Variants in QKI observed in about 807,000 individuals in gnomAD.
QKI encodes KH domain-containing RNA-binding protein QKI.
QKI carries 10 observed loss-of-function variants against 39.0 expected under a neutral mutation model. That is an observed-to-expected ratio of 0.26 (90% confidence interval 0.16 to 0.43). QKI has a LOEUF of 0.43. Ranked by LOEUF, QKI falls within the 20% of genes least tolerant of loss-of-function variation. The pLI is 1.00. For synonymous variants in QKI, 204 were observed against 155.4 expected (o/e 1.31, Z -2.33); for missense variants, 218 against 428.0 (o/e 0.51, Z 4.33).
intron 3 of QKI, among the ~76,000 whole-genome samples, chr6:163,481,286 A>G (rs573988321): frequency 1.3e-5 from 2 of 152,296 alleles, no homozygotes; most frequent in South Asian, 4.1e-4. Context: ...GTATATCTAT[A>G]TGTGTGTATA....
intron 3 of QKI, among the ~76,000 whole-genome samples, chr6:163,497,509 T>C (rs566303468): frequency 6.6e-6 from 1 of 152,184 alleles, no homozygotes; most frequent in South Asian, 2.1e-4. Context: ...GTGCAGTGTT[T>C]TAGTCTTTGG....
intron 3 of QKI, among the ~76,000 whole-genome samples, chr6:163,487,180 G>GTT (rs5881536): frequency 6.7e-6 from 1 of 148,810 alleles, no homozygotes; most frequent in African/African-American, 2.5e-5. Context: ...CATGGATATA[G>GTT]TTTTTTTTTT....
At chr6:163,535,230 A>G in intron 4 of QKI, 105 bp downstream of exon 4, 1 of 1,191,362 alleles carries the variant, frequency 8.4e-7, no homozygotes, top group Non-Finnish European at 1.1e-6. Context: ...GTTGTTAGAA[A>G]TTTTATTTAA....
At chr6:163,436,234 C>G (rs1012898897) in intron 1 of QKI, among the ~76,000 whole-genome samples, 28 of 152,090 alleles carry the variant, frequency 1.8e-4, no homozygotes, top group African/African-American at 6.3e-4. Flanking sequence ...ATTGAAACTA[C>G]TGGGGTTTAA....
chr6:163,566,393 C>A, intron 6 of QKI: 1 of 1,217,214 alleles, frequency 8.2e-7, no homozygotes, highest in Admixed American at 4.2e-5. Flanking sequence ...AGTCCTGCTG[C>A]AAGAAAGGCA....
chr6:163,532,275 GACAC>G (rs536922312), intron 3 of QKI, among the ~76,000 whole-genome samples: 1 of 152,068 alleles, frequency 6.6e-6, no homozygotes, highest in African/African-American at 2.4e-5. Context: ...ATTAGTGTTT[GACAC>G]ACACACATAG....
In QKI at chr6:163,533,924, A is replaced by C. The variant is rs11966710; in HGVS notation, c.403-1058A>C. Reference sequence around the variant, plus strand: ...TAAGCTCAATCATGTGAATTGTTGCAGAAAGCAGTTTTATTATGCCTGCTT... The same window carrying C: ...TAAGCTCAATCATGTGAATTGTTGCCGAAAGCAGTTTTATTATGCCTGCTT... On this transcript the variant is annotated intron_variant, in intron 3 of 7. Coordinates refer to ENST00000361752, the MANE Select transcript of QKI (RefSeq NM_006775.3). Among the ~76,000 whole-genome samples the C allele has an allele frequency of 2.0e-5, 3 of 152,332 alleles. No homozygotes were observed. In the South Asian group the frequency reaches 6.2e-4, roughly 32 times the overall value.
intron 3 of QKI, among the ~76,000 whole-genome samples, chr6:163,494,065 TACC>T (rs1176410833): frequency 1.3e-5 from 2 of 152,086 alleles, no homozygotes; most frequent in African/African-American, 4.8e-5. Context: ...ATTTGCTGTA[TACC>T]TTGGCCCTCC....
intron 1 of QKI, among the ~76,000 whole-genome samples, chr6:163,438,218 T>G (rs1789461870): frequency 6.6e-6 from 1 of 152,182 alleles, no homozygotes; most frequent in African/African-American, 2.4e-5. Context: ...TCAGATAATA[T>G]TTCAGATAAA....
intron 4 of QKI, among the ~76,000 whole-genome samples, chr6:163,547,043 CCTT>C (rs1781926030): frequency 6.6e-6 from 1 of 151,934 alleles, no homozygotes; most frequent in Admixed American, 6.6e-5. Flanking sequence ...TTTTTAGTAA[CCTT>C]CTTTGTAGAA....
At chr6:163,441,510 A>G (rs1306353119) in intron 1 of QKI, among the ~76,000 whole-genome samples, 4 of 152,234 alleles carry the variant, frequency 2.6e-5, no homozygotes, top group African/African-American at 9.6e-5. Context: ...AAACAAAGCT[A>G]TCTGCCCTCT....
At chr6:163,479,000 T>G (rs1166557890) in intron 3 of QKI, 104 bp downstream of exon 3, 1 of 994,204 alleles carries the variant, frequency 1.0e-6, no homozygotes, top group Non-Finnish European at 1.5e-6. Flanking sequence ...AACACTATAT[T>G]CCAGGCCGGG....
Position 163,563,910 on chromosome 6 carries a change from A to C in QKI, c.934+191A>C, listed in dbSNP as rs1230348970. On this transcript the variant is annotated intron_variant, in intron 6 of 7. Transcript: ENST00000361752. Reference sequence around the variant, plus strand: ...TTTGAAATAATTGCACCTTAAATTTATTCAGATCCACTTTGGTAACTGAGG... The same window carrying C: ...TTTGAAATAATTGCACCTTAAATTTCTTCAGATCCACTTTGGTAACTGAGG... 8 of 1,412,842 alleles carry C rather than the reference A, an allele frequency of 5.7e-6. No individual in the cohort carries two copies. The East Asian group carries it at 1.8e-4, about 32-fold the overall frequency. The allele number at this position is 1,412,842 out of a possible 1,614,324, so 87.5% of individuals were successfully genotyped here. A position where few individuals can be genotyped will look rare whatever the true frequency, so the allele number is the denominator to read the frequency against.
At chr6:163,523,003 G>A (rs1015211042) in intron 3 of QKI, among the ~76,000 whole-genome samples, 2 of 152,114 alleles carry the variant, frequency 1.3e-5, no homozygotes, top group African/African-American at 4.8e-5. Context: ...CTTTTATAAC[G>A]TAATGAGCTA....
At position 163,564,231 on chromosome 6, in the gene QKI, T is replaced by G. The variant is rs775609040; in HGVS notation, c.934+512T>G. The G allele has an allele frequency of 3.9e-6, 4 of 1,030,152 alleles. No individual in the cohort carries two copies. In the South Asian group the frequency reaches 1.6e-4, roughly 41 times the overall value. 63.8% of individuals were successfully genotyped at this position (1,030,152 alleles called of 1,614,324 possible). A position where few individuals can be genotyped will look rare whatever the true frequency, so the allele number is the denominator to read the frequency against. On this transcript the variant is annotated intron_variant, in intron 6 of 7. Coordinates refer to ENST00000361752, the MANE Select transcript of QKI (RefSeq NM_006775.3). ...TCAGATAAATACAGTCATGCATCGC[T>G]TAACAACGGGGATACAGTCTAAGAA...
chr6:163,432,526 A>G (rs116786578), intron 1 of QKI, among the ~76,000 whole-genome samples: 2,223 of 151,982 alleles, frequency 0.015, 50 homozygotes, highest in African/African-American at 0.051. Flanking sequence ...CCAGAGAGGT[A>G]GGACTGCAGG....
At chr6:163,528,730 C>T (rs1264905268) in intron 3 of QKI, among the ~76,000 whole-genome samples, 2 of 152,092 alleles carry the variant, frequency 1.3e-5, no homozygotes, top group Non-Finnish European at 2.9e-5. Context: ...TGACTATCTG[C>T]TCTGCCATCA....
In QKI at chr6:163,563,664, A is replaced by G. The variant is rs1365478325; in HGVS notation, c.879A>G (p.Thr293=). ...LIYTPYEYPY[T]LAPATSILEY... Reference sequence around the variant, plus strand: ...ATACACCCTATGAGTACCCCTACACATTGGCACCAGCTACATCAATCCTTG... The same window carrying G: ...ATACACCCTATGAGTACCCCTACACGTTGGCACCAGCTACATCAATCCTTG... Residue 293 remains threonine (T), a synonymous_variant, in exon 6 of 8, where the codon ACA becomes ACG. Coordinates refer to ENST00000361752, the MANE Select transcript of QKI (RefSeq NM_006775.3). 1.9e-6 allele frequency: 3 copies of G among 1,614,008 alleles called. No homozygotes were observed. Among genetic ancestry groups the G allele is most frequent in the African/African-American group, 1.3e-5 (1 of 74,924 alleles).
intron 3 of QKI, among the ~76,000 whole-genome samples, chr6:163,508,769 T>TA (rs141150717): frequency 0.073 from 11,027 of 151,664 alleles, 457 homozygotes; most frequent in South Asian, 0.1. Flanking sequence ...CCTCAGGTGA[T>TA]ACACCCACGT....
Sources: allele counts gnomAD v4.1 joint callset (sites outside exome capture counted in the v4.1 genomes callset), GRCh38; gene constraint gnomAD v4.1.1; transcripts MANE v1.5; gene names NCBI Gene and HGNC (gene_info 2026-07-23, HGNC 2026-07-21).